The following ITPR2 variants were observed in gnomAD, a reference collection of about 807,000 sequenced individuals.
The protein encoded by ITPR2 is inositol 1,4,5-trisphosphate receptor type 2.
A neutral mutation model predicts 317.1 loss-of-function variants in ITPR2; 207 were observed. That is an observed-to-expected ratio of 0.65 (90% CI 0.58 to 0.73). The LOEUF (loss-of-function observed/expected upper bound fraction) is 0.73. Ranked by LOEUF, ITPR2 falls within the 30% of genes least tolerant of loss-of-function variation. ITPR2 has a pLI of 0.00. For missense variants in ITPR2, 2,613 were observed against 3,284.0 expected, an observed-to-expected ratio of 0.80 and a Z score of 4.99; for synonymous variants, 1,156 against 1,149.1, an observed-to-expected ratio of 1.01 and a Z score of -0.12.
rs756788340 is a variant in ITPR2, at chr12:26,653,984, T to G, written c.2732A>C (p.Gln911Pro). 27 of 1,609,368 alleles carry G rather than the reference T, an allele frequency of 1.7e-5. No individual in the cohort carries two copies. Among genetic ancestry groups the G allele is most frequent in the Middle Eastern group, 1.7e-4 (1 of 5,786 alleles). ...TTTCCCAAAATTCTTACCTCCATCT[T>G]GAAATTTGCTTAATCTTTCAAAGTA... ...SSYFERLSKF[Q>P]DGGNNVMRTI... The change falls in exon 21 of 57, where the codon CAA becomes CCA. Residue 911 changes from glutamine to proline, a missense_variant. By Grantham distance (76) the Gln-to-Pro change is moderately conservative. Transcript: ENST00000381340.
chr12:26,497,073 T>C (rs1942949825), intron 37 of ITPR2, among the ~76,000 whole-genome samples: 1 of 134,824 alleles, frequency 7.4e-6, no homozygotes, highest in Non-Finnish European at 1.6e-5. Flanking sequence ...ATCCTGCCCA[T>C]TCTACCTTTC....
chr12:26,510,604 T>C (rs1175108244), intron 37 of ITPR2, among the ~76,000 whole-genome samples: 1 of 152,214 alleles, frequency 6.6e-6, no homozygotes, highest in Non-Finnish European at 1.5e-5. Flanking sequence ...TGCACAGAAA[T>C]GCAGTCATTT....
rs367820653 is a variant in ITPR2, at chr12:26,715,280, C to T, written c.855+19G>A. On this transcript the variant is annotated intron_variant, in intron 8 of 56. Coordinates refer to ENST00000381340, the MANE Select transcript of ITPR2 (RefSeq NM_002223.4). Reference sequence around the variant, plus strand: ...TTTTGATCTAAATATTTATTAAGTGCCAAAAAACATTTACATACCTCTATT... The same window carrying T: ...TTTTGATCTAAATATTTATTAAGTGTCAAAAAACATTTACATACCTCTATT... 8 of 1,595,260 alleles carry T rather than the reference C, an allele frequency of 5.0e-6. No individual in the cohort carries two copies. Among genetic ancestry groups the T allele is most frequent in the South Asian group, 2.3e-5 (2 of 88,672 alleles).
In ITPR2 at chr12:26,411,313, T is replaced by G; in HGVS notation, c.7399+7A>C. On this transcript the variant is annotated splice_region_variant and intron_variant, in intron 52 of 56. Transcript: ENST00000381340. The stretch of plus-strand genomic sequence containing the variant: ...GTTCATACTGACCCAGAGTCCTTTC[T>G]ACAAACCTGTATTTGAAGCTGGAAT... 1 of 1,605,376 alleles carries G rather than the reference T, an allele frequency of 6.2e-7. No homozygotes were observed. Among genetic ancestry groups the G allele is most frequent in the East Asian group, 2.2e-5 (1 of 44,764 alleles).
chr12:26,424,592 T>TG (rs1310557924), intron 49 of ITPR2, among the ~76,000 whole-genome samples: 5 of 135,338 alleles, frequency 3.7e-5, no homozygotes, highest in Non-Finnish European at 1.6e-5. Context: ...TTGTGTTTTT[T>TG]TTTTTTTTTT....
At chr12:26,696,158 G>A (rs143443504) in intron 9 of ITPR2, among the ~76,000 whole-genome samples, 20 of 152,196 alleles carry the variant, frequency 1.3e-4, no homozygotes, top group Non-Finnish European at 2.4e-4. Context: ...ACATGTCTTC[G>A]GGCTTGGAGA....
chr12:26,487,000 T>G, intron 40 of ITPR2, 68 bp downstream of exon 40: 5 of 1,366,982 alleles, frequency 3.7e-6, no homozygotes, highest in Non-Finnish European at 4.2e-6. Context: ...AAAATGTTAA[T>G]GAGATTTAAA....
intron 21 of ITPR2, among the ~76,000 whole-genome samples, chr12:26,641,083 C>T (rs1169221758): frequency 6.6e-6 from 1 of 152,094 alleles, no homozygotes; most frequent in Non-Finnish European, 1.5e-5. Flanking sequence ...AGAGTCAAAA[C>T]ACAGAGTCAG....
chr12:26,462,792 C>T (rs948217956), intron 45 of ITPR2, among the ~76,000 whole-genome samples: 1 of 151,796 alleles, frequency 6.6e-6, no homozygotes, highest in Non-Finnish European at 1.5e-5. Context: ...CTGCCTTAGC[C>T]TCCTGAGTAG....
At chr12:26,354,045 AG>A (rs1269192111) in intron 55 of ITPR2, among the ~76,000 whole-genome samples, 1 of 152,200 alleles carries the variant, frequency 6.6e-6, no homozygotes, top group Admixed American at 6.5e-5. Context: ...AGGCCGAGGC[AG>A]GTGGATCACC....
chr12:26,618,048 A>G (rs1946410261), intron 26 of ITPR2, among the ~76,000 whole-genome samples: 1 of 152,336 alleles, frequency 6.6e-6, no homozygotes, highest in East Asian at 1.9e-4. Context: ...ATTAAAGTCA[A>G]TAACCATTTG....
chr12:26,509,955 G>GTTTTTT (rs200388400), intron 37 of ITPR2, among the ~76,000 whole-genome samples: 1 of 92,256 alleles, frequency 1.1e-5, no homozygotes, highest in East Asian at 3.1e-4. Flanking sequence ...GTAGATAAGG[G>GTTTTTT]TTTTGTGTGT....
chr12:26,659,206 A>T lies in ITPR2; in HGVS notation c.1793T>A (p.Leu598Ter), dbSNP rs1478134245. The T allele has an allele frequency of 6.2e-7, 1 of 1,613,386 alleles. No individual in the cohort carries two copies. Reference protein sequence around the residue: ...DILAEDTITALLHNNRKLLEK... With the variant: ...DILAEDTITA ...TAGTAGTTTTCTGTTGTTGTGCAAC[A>T]AAGCTGTGATAGTATCTTCTGCCAA... Residue 598 changes from leucine (L) to a stop codon, truncating the protein, a stop_gained, in exon 16 of 57, where the codon TTG (leucine) becomes TAG (stop). Transcript: ENST00000381340. LOFTEE classifies it high-confidence loss of function.
At chr12:26,829,722 T>C (rs1951069368) in intron 1 of ITPR2, among the ~76,000 whole-genome samples, 1 of 152,168 alleles carries the variant, frequency 6.6e-6, no homozygotes, top group Admixed American at 6.5e-5. Flanking sequence ...CAATGACTTT[T>C]ACTACAACTG....
rs371467810 is a variant in ITPR2, at chr12:26,340,512, C to T, written c.7858-184G>A. ...CTGGTCTTCACGGGCTGGGGGAAGACCCCAAATATTGAAGCAAACTTTATA... is the reference window on the plus strand; with the variant it reads ...CTGGTCTTCACGGGCTGGGGGAAGATCCCAAATATTGAAGCAAACTTTATA... On this transcript the variant is annotated intron_variant, in intron 55 of 56. Transcript: ENST00000381340. Among the ~76,000 whole-genome samples, 50 of 152,226 alleles carry T rather than the reference C, an allele frequency of 3.3e-4. No homozygotes were observed. In the Middle Eastern group the frequency reaches 0.01, roughly 31 times the overall value.
intron 18 of ITPR2, 61 bp downstream of exon 18, chr12:26,657,646 A>C: frequency 6.9e-7 from 1 of 1,445,014 alleles, no homozygotes; most frequent in Non-Finnish European, 9.6e-7. Context: ...GCTACAGAGA[A>C]CCAGTTCTCA....
At chr12:26,392,278 A>C (rs1939875371) in intron 54 of ITPR2, among the ~76,000 whole-genome samples, 1 of 152,134 alleles carries the variant, frequency 6.6e-6, no homozygotes, top group African/African-American at 2.4e-5. Context: ...TTGACCAGGG[A>C]ACTTGAAGTC....
At chr12:26,653,881 C>A (rs1947313791) in intron 21 of ITPR2, 95 bp downstream of exon 21, 6 of 930,912 alleles carry the variant, frequency 6.4e-6, no homozygotes, top group Non-Finnish European at 1.0e-5. Context: ...CATATATTAG[C>A]AGGTACACAA....
chr12:26,681,456 A>G lies in ITPR2; in HGVS notation c.1409+418T>C, dbSNP rs1209620257. Among the ~76,000 whole-genome samples the G allele has an allele frequency of 2.6e-5, 4 of 152,092 alleles. No individual in the cohort carries two copies. The East Asian group carries it at 7.7e-4, about 29-fold the overall frequency. ...GCAGATTTTTTTTTTCTGGTTTTAC[A>G]TATCTGTTTATTTTGTGGTACCAGA... On this transcript the variant is annotated intron_variant, in intron 13 of 56. Coordinates refer to ENST00000381340, the MANE Select transcript of ITPR2 (RefSeq NM_002223.4).
Sources: allele counts gnomAD v4.1 joint callset (sites outside exome capture counted in the v4.1 genomes callset), GRCh38; gene constraint gnomAD v4.1.1; transcripts MANE v1.5; gene names NCBI Gene and HGNC (gene_info 2026-07-23, HGNC 2026-07-21).